Variants in CEP164 observed in about 807,000 individuals in gnomAD.
CEP164 encodes the protein centrosomal protein of 164 kDa.
A neutral mutation model predicts 182.7 loss-of-function variants in CEP164; 162 were observed. That is an observed-to-expected ratio of 0.89 (90% CI 0.78 to 1.01). CEP164 has a LOEUF of 1.01. CEP164 is among the 50% of genes least tolerant of loss of function. The pLI is 0.00. For missense variants in CEP164, 1,735 were observed against 1,790.4 expected (o/e 0.97, Z 0.56); for synonymous variants, 661 against 690.0 (o/e 0.96, Z 0.66).
At chr11:117,361,448 G>A (rs1390634383) in intron 5 of CEP164, among the ~76,000 whole-genome samples, 2 of 151,620 alleles carry the variant, frequency 1.3e-5, no homozygotes, top group Non-Finnish European at 2.9e-5. Context: ...CACCATATTG[G>A]CCAGGCTGGT....
intron 8 of CEP164, among the ~76,000 whole-genome samples, chr11:117,370,492 G>C (rs988746626): frequency 4.6e-5 from 7 of 152,244 alleles, no homozygotes; most frequent in Non-Finnish European, 7.3e-5. Flanking sequence ...TGGTGACAGA[G>C]TTGTATCGTC....
rs2041017982 is a variant in CEP164, at chr11:117,361,841, G to C, written c.400G>C (p.Gly134Arg). The C allele has an allele frequency of 3.1e-6, 5 of 1,614,174 alleles. No individual in the cohort carries two copies. The highest frequency in any genetic ancestry group is 4.2e-6 in the Non-Finnish European group (5 of 1,180,032). Residue 134 changes from glycine (G) to arginine (R), a missense_variant, in exon 6 of 33, where the codon GGT becomes CGT. Gly to Arg is a moderately radical substitution (Grantham distance 125, BLOSUM62 -2). Transcript: ENST00000278935. The stretch of plus-strand genomic sequence containing the variant: ...GATGTTTTCTGTTGCACAGGCCTTG[G>C]GTTCCTCATTAGCCCCAGTTCATGT... ...RDPPKSSLAL[G>R]SSLAPVHVPL...
chr11:117,346,641 A>C (rs1410951324), intron 4 of CEP164, among the ~76,000 whole-genome samples: 1 of 151,702 alleles, frequency 6.6e-6, no homozygotes, highest in Non-Finnish European at 1.5e-5. Context: ...AGTTTGGAGG[A>C]TTGCTTGAGC....
chr11:117,372,642 C>T (rs1298758287), intron 9 of CEP164, among the ~76,000 whole-genome samples: 1 of 151,048 alleles, frequency 6.6e-6, no homozygotes, highest in Non-Finnish European at 1.5e-5. Context: ...GTCTTGAACT[C>T]CCGACCTCAG....
At chr11:117,345,169 A>G (rs2038707637) in intron 4 of CEP164, among the ~76,000 whole-genome samples, 1 of 152,120 alleles carries the variant, frequency 6.6e-6, no homozygotes, top group African/African-American at 2.4e-5. Context: ...GGTTGGAAGG[A>G]GCAGTGATTC....
chr11:117,356,757 C>A, intron 5 of CEP164: 2 of 821,538 alleles, frequency 2.4e-6, no homozygotes, highest in Non-Finnish European at 3.1e-6. Context: ...TTTAACTACC[C>A]AAATGGCCAT....
intron 15 of CEP164, among the ~76,000 whole-genome samples, chr11:117,387,889 A>G (rs1381147967): frequency 6.6e-6 from 1 of 152,260 alleles, no homozygotes; most frequent in Non-Finnish European, 1.5e-5. Flanking sequence ...TTTAGAGAAT[A>G]TAAAACAGAA....
At chr11:117,402,112 T>C (rs1382585324) in intron 27 of CEP164, among the ~76,000 whole-genome samples, 1 of 152,228 alleles carries the variant, frequency 6.6e-6, no homozygotes, top group Non-Finnish European at 1.5e-5. Flanking sequence ...GGGCATTTAG[T>C]GCTGTAAGTT....
chr11:117,397,215 C>T lies in CEP164; in HGVS notation c.3403C>T (p.Gln1135Ter), dbSNP rs1282593263. 11 of 1,614,258 alleles carry T rather than the reference C, an allele frequency of 6.8e-6. No individual in the cohort carries two copies. The highest frequency in any genetic ancestry group is 9.3e-6 in the Non-Finnish European group (11 of 1,180,056). Reference protein sequence around the residue: ...RRRQTALKAAQQHWRHELASA... With the variant: ...RRRQTALKAA The stretch of plus-strand genomic sequence containing the variant: ...GCGGCAGACAGCTCTGAAAGCTGCC[C>T]AGCAGCATTGGCGCCATGAGCTGGC... The change falls in exon 27 of 33, where the codon CAG becomes TAG. Residue 1135 changes from glutamine (Q) to a stop codon, truncating the protein, a stop_gained. Transcript: ENST00000278935. LOFTEE classifies it high-confidence loss of function.
intron 12 of CEP164, among the ~76,000 whole-genome samples, chr11:117,381,090 T>C (rs557359654): frequency 2.6e-5 from 4 of 152,146 alleles, no homozygotes; most frequent in Admixed American, 6.5e-5. Flanking sequence ...AGGAGTCGCA[T>C]TGGAGGGTTG....
At chr11:117,364,007 C>T (rs2041331185) in intron 8 of CEP164, 1 of 152,194 alleles carries the variant, frequency 6.6e-6, no homozygotes, top group Non-Finnish European at 1.5e-5. Context: ...CTCAAGCAGT[C>T]CTTCCATCTT....
At position 117,411,961 on chromosome 11, in the gene CEP164, CTG is replaced by C; in HGVS notation, c.4286+47_4286+48del. 1.2e-6 allele frequency: 2 copies of C among 1,612,428 alleles called. No homozygotes were observed. The highest frequency in any genetic ancestry group is 1.7e-6 in the Non-Finnish European group (2 of 1,179,128). On this transcript the variant is annotated intron_variant, in intron 32 of 32. Transcript: ENST00000278935. This position sits in a 1 kb window ranked among gnomAD's most constrained non-coding sequence, Gnocchi z 4.4. The stretch of plus-strand genomic sequence containing the variant: ...CCCAAACTGGGCTGGGCTGTGGGGA[CTG>C]TGCTTGTGCCCTGAGGGGCTGAGGA...
At chr11:117,363,076 A>G (rs1362299980) in intron 7 of CEP164, among the ~76,000 whole-genome samples, 1 of 152,232 alleles carries the variant, frequency 6.6e-6, no homozygotes, top group Non-Finnish European at 1.5e-5. Flanking sequence ...ATGAATATAT[A>G]TGGGTTGTTT....
In CEP164 at chr11:117,394,850, G is replaced by A; in HGVS notation, c.2761-70G>A. 1 of 1,484,494 alleles carries A rather than the reference G, an allele frequency of 6.7e-7. No individual in the cohort carries two copies. The highest frequency in any genetic ancestry group is 9.4e-7 in the Non-Finnish European group (1 of 1,068,054). 92.0% of individuals were successfully genotyped at this position (1,484,494 alleles called of 1,614,324 possible). A position where few individuals can be genotyped will look rare whatever the true frequency, so the allele number is the denominator to read the frequency against. ...TTGTGGTGTGGCATGGTGGGTTCTG[G>A]AACCCCCTCCTGCCCCTCAGCTAAT... On this transcript the variant is annotated intron_variant, in intron 21 of 32. Transcript: ENST00000278935. The surrounding 1 kb of genome is among the most constrained non-coding windows in gnomAD (Gnocchi z 4.0).
At chr11:117,384,358 C>A (rs1409702536) in intron 14 of CEP164, among the ~76,000 whole-genome samples, 2 of 152,184 alleles carry the variant, frequency 1.3e-5, no homozygotes, top group Non-Finnish European at 2.9e-5. Context: ...GGTGATACAT[C>A]CTACAGTGAA....
At chr11:117,397,442 G>A (rs992446394) in intron 27 of CEP164, 129 bp downstream of exon 27, 3 of 780,884 alleles carry the variant, frequency 3.8e-6, no homozygotes, top group East Asian at 5.4e-5. Flanking sequence ...CCTTGGCCCT[G>A]GGTCACTTAT....
At chr11:117,360,886 G>A (rs1431961327) in intron 5 of CEP164, among the ~76,000 whole-genome samples, 2 of 150,632 alleles carry the variant, frequency 1.3e-5, no homozygotes, top group Non-Finnish European at 2.9e-5. Flanking sequence ...AATTCTTCTG[G>A]TAGATGAGGA....
chr11:117,354,615 C>A (rs2040093141), intron 5 of CEP164, among the ~76,000 whole-genome samples: 1 of 152,220 alleles, frequency 6.6e-6, no homozygotes, highest in East Asian at 1.9e-4. Flanking sequence ...TCTAGTCGAA[C>A]CTCCTCTTTG....
In CEP164 at chr11:117,362,011, C is replaced by T. The variant is rs1386554088; in HGVS notation, c.552+18C>T. 6.5e-6 allele frequency: 10 copies of T among 1,541,150 alleles called. No individual in the cohort carries two copies. The highest frequency in any genetic ancestry group is 2.8e-5 in the African/African-American group (2 of 72,334). The stretch of plus-strand genomic sequence containing the variant: ...TCATGCTGGTAAGTACGTTCTCTTG[C>T]GTTCAGTGTCTGTAGTTCCTGTGGG... On this transcript the variant is annotated intron_variant, in intron 6 of 32. Coordinates refer to ENST00000278935, the MANE Select transcript of CEP164 (RefSeq NM_014956.5).
Sources: gnomAD v4.1 joint callset for allele counts (sites outside exome capture counted in the v4.1 genomes callset) on GRCh38, gnomAD v4.1.1 for gene constraint, Gnocchi (gnomAD v3.1) non-coding constraint, MANE v1.5 for transcripts, NCBI Gene and HGNC (gene_info 2026-07-23, HGNC 2026-07-21) for gene names.